LMBRD1: variants seen among roughly 807,000 people sequenced by gnomAD.
LMBRD1 encodes the protein LMBR1 domain containing 1.
A neutral mutation model predicts 74.8 loss-of-function variants in LMBRD1; 64 were observed. The observed-to-expected ratio is 0.86, with a 90% CI of 0.70 to 1.05. The LOEUF (loss-of-function observed/expected upper bound fraction) is 1.05. Among genes scored for constraint, LMBRD1 ranks in the 50% least tolerant of loss-of-function variants. The probability of loss-of-function intolerance (pLI) is 0.00; values close to 1 mark genes in which losing one functional copy is unlikely to be tolerated. For synonymous variants in LMBRD1, 204 were observed against 216.3 expected (o/e 0.94, Z 0.50); for missense variants, 652 against 645.9 (o/e 1.01, Z -0.10).
rs146601607 is a variant in LMBRD1 at position 69,774,541 on chromosome 6, A to C, written c.307+5953T>G. 3.4e-3 allele frequency among the ~76,000 whole-genome samples: 511 copies of C among 152,154 alleles called. 5 individuals are homozygous for C. The highest frequency in any genetic ancestry group is 0.011 in the African/African-American group (472 of 41,492). ...TTCCTTTTACTTAATGTTTTTTCTC[A>C]CTTCTTACTTTTGCATGCATGCAGG... On this transcript the variant is annotated intron_variant, in intron 3 of 15. Coordinates refer to ENST00000649934, the MANE Select transcript of LMBRD1 (RefSeq NM_018368.4).
intron 14 of LMBRD1, among the ~76,000 whole-genome samples, chr6:69,679,133 AT>A (rs1765610198): frequency 6.6e-6 from 1 of 152,008 alleles, no homozygotes; most frequent in Non-Finnish European, 1.5e-5. Context: ...AGGACTACCA[AT>A]CTAATTCCTA....
At chr6:69,692,289 GCTCT>G (rs918250078) in intron 14 of LMBRD1, among the ~76,000 whole-genome samples, 4 of 50,152 alleles carry the variant, frequency 8.0e-5, no homozygotes, top group African/African-American at 1.9e-4. Flanking sequence ...TCTCTCTCTC[GCTCT>G]CTCTCTCTAC....
chr6:69,734,379 G>A (rs1027791538), intron 7 of LMBRD1, among the ~76,000 whole-genome samples: 1 of 143,066 alleles, frequency 7.0e-6, no homozygotes, highest in Admixed American at 7.5e-5. Flanking sequence ...TTAAGTGAAA[G>A]GATGTATAAC....
intron 7 of LMBRD1, among the ~76,000 whole-genome samples, chr6:69,729,424 C>G (rs1169945402): frequency 6.6e-6 from 1 of 151,808 alleles, no homozygotes; most frequent in Non-Finnish European, 1.5e-5. Flanking sequence ...CTAGGCCAGA[C>G]TAATAACAAC....
chr6:69,793,087 T>C (rs1042509342), intron 1 of LMBRD1, among the ~76,000 whole-genome samples: 1 of 152,362 alleles, frequency 6.6e-6, no homozygotes, highest in Non-Finnish European at 1.5e-5. Flanking sequence ...GGGTTTACCA[T>C]AGTGGCTGGC....
intron 5 of LMBRD1, among the ~76,000 whole-genome samples, 187 bp from the exon 6 acceptor site, chr6:69,742,064 T>C (rs1267460873): frequency 6.6e-6 from 1 of 152,148 alleles, no homozygotes; most frequent in Non-Finnish European, 1.5e-5. Context: ...TATTACTGCA[T>C]TCAGAAAAAT....
chr6:69,748,387 G>A (rs1582119666), intron 5 of LMBRD1, among the ~76,000 whole-genome samples: 1 of 151,940 alleles, frequency 6.6e-6, no homozygotes, highest in East Asian at 1.9e-4. Context: ...AAAATACATA[G>A]AAAAACCACT....
chr6:69,715,173 T>C (rs1238535074), intron 8 of LMBRD1, among the ~76,000 whole-genome samples: 3 of 152,050 alleles, frequency 2.0e-5, no homozygotes, highest in African/African-American at 7.2e-5. Flanking sequence ...ATACTTCAAG[T>C]GTGTGGTATG....
chr6:69,779,083 G>A (rs1368084669), intron 3 of LMBRD1, among the ~76,000 whole-genome samples: 5 of 151,514 alleles, frequency 3.3e-5, no homozygotes, highest in Non-Finnish European at 1.5e-5. Flanking sequence ...CTACTCGGGA[G>A]GCTGAGGCAG....
intron 14 of LMBRD1, among the ~76,000 whole-genome samples, chr6:69,694,887 A>G (rs1227466682): frequency 6.6e-6 from 1 of 152,092 alleles, no homozygotes; most frequent in Non-Finnish European, 1.5e-5. Flanking sequence ...AATCCCCTTC[A>G]TAGGCTATCA....
intron 3 of LMBRD1, among the ~76,000 whole-genome samples, chr6:69,778,789 T>C (rs1765761081): frequency 6.6e-6 from 1 of 152,190 alleles, no homozygotes; most frequent in Non-Finnish European, 1.5e-5. Flanking sequence ...ATAAATTATA[T>C]TTTGAAATTT....
At chr6:69,735,688 G>A (rs1012002057) in intron 7 of LMBRD1, among the ~76,000 whole-genome samples, 9 of 151,816 alleles carry the variant, frequency 5.9e-5, no homozygotes, top group East Asian at 1.9e-4. Context: ...ACTCCCACTC[G>A]CTACCCTCAT....
At chr6:69,724,165 G>C (rs1766675282) in intron 7 of LMBRD1, among the ~76,000 whole-genome samples, 2 of 151,604 alleles carry the variant, frequency 1.3e-5, no homozygotes, top group Non-Finnish European at 3.0e-5. Flanking sequence ...GATCAAAACT[G>C]TAATTAAAAG....
At chr6:69,728,394 TC>T (rs1219347862) in intron 7 of LMBRD1, among the ~76,000 whole-genome samples, 1 of 152,204 alleles carries the variant, frequency 6.6e-6, no homozygotes, top group African/African-American at 2.4e-5. Context: ...ATTTTCATAA[TC>T]CAAAAGAATG....
At chr6:69,686,415 T>G (rs561351559) in intron 14 of LMBRD1, among the ~76,000 whole-genome samples, 1 of 152,202 alleles carries the variant, frequency 6.6e-6, no homozygotes, top group African/African-American at 2.4e-5. Context: ...GGTTACACTA[T>G]TAGTTCTCTA....
intron 14 of LMBRD1, among the ~76,000 whole-genome samples, chr6:69,680,000 T>C (rs1462991512): frequency 3.9e-5 from 6 of 152,170 alleles, no homozygotes; most frequent in Non-Finnish European, 5.9e-5. Context: ...AATTGGTTAG[T>C]CATTAATATC....
chr6:69,744,989 C>T (rs1268458015), intron 5 of LMBRD1, among the ~76,000 whole-genome samples: 21 of 151,784 alleles, frequency 1.4e-4, no homozygotes, highest in African/African-American at 3.6e-4. Context: ...ATTACAGGCG[C>T]GCACCACTAT....
intron 3 of LMBRD1, among the ~76,000 whole-genome samples, chr6:69,778,257 A>C (rs1466115094): frequency 6.6e-6 from 1 of 152,268 alleles, no homozygotes; most frequent in Non-Finnish European, 1.5e-5. Flanking sequence ...GTTCTATAGG[A>C]AATCAAGCCT....
rs761327077 is a variant in LMBRD1 at position 69,701,910 on chromosome 6, A to G, written c.959T>C (p.Val320Ala). 21 of 1,600,762 alleles carry G rather than the reference A, an allele frequency of 1.3e-5. No homozygotes were observed. The highest frequency in any genetic ancestry group is 1.7e-5 in the Non-Finnish European group (20 of 1,168,852). The change falls in exon 10 of 16, where the codon GTA becomes GCA. Residue 320 changes from valine (V) to alanine (A), a missense_variant. By Grantham distance (64) the Val-to-Ala change is moderately conservative. This residue lies in a region of LMBRD1 where 598 missense variants were observed against 581.8 expected (regional missense o/e 1.03). Transcript: ENST00000649934. ...IFFILVALLF[V>A]ISLFLSNLDK... ...TTACTTTGACAAGAAGAGAGAAATT[A>G]CAAACAGCAATGCAACTAAGATGAA...
Sources: allele counts gnomAD v4.1 joint callset (sites outside exome capture counted in the v4.1 genomes callset), GRCh38; gene constraint gnomAD v4.1.1; regional missense constraint gnomAD v4.1.1; transcripts MANE v1.5; gene names NCBI Gene and HGNC (gene_info 2026-07-23, HGNC 2026-07-21).